Variants in ADAMTS12 observed in about 807,000 individuals in gnomAD.
ADAMTS12 encodes A disintegrin and metalloproteinase with thrombospondin motifs 12.
A neutral mutation model predicts 167.8 loss-of-function variants in ADAMTS12; 118 were observed. That is an observed-to-expected ratio of 0.70 (90% CI 0.61 to 0.82). The LOEUF (loss-of-function observed/expected upper bound fraction) is 0.82. Ranked by LOEUF, ADAMTS12 falls within the 40% of genes least tolerant of loss-of-function variation. The probability of loss-of-function intolerance (pLI) is 0.00; values close to 1 mark genes in which losing one functional copy is unlikely to be tolerated. For synonymous variants in ADAMTS12, 704 were observed against 716.9 expected (o/e 0.98, Z 0.29); for missense variants, 1,916 against 1,998.8 (o/e 0.96, Z 0.79).
chr5:33,748,662 C>T (rs922216771), intron 3 of ADAMTS12, among the ~76,000 whole-genome samples: 2 of 152,048 alleles, frequency 1.3e-5, no homozygotes, highest in African/African-American at 2.4e-5. Flanking sequence ...CCTCTTTGAA[C>T]GTTACAAAAG....
intron 2 of ADAMTS12, among the ~76,000 whole-genome samples, chr5:33,832,817 G>T (rs1052689967): frequency 6.6e-6 from 1 of 152,098 alleles, no homozygotes; most frequent in African/African-American, 2.4e-5. Context: ...CATTCCCTCG[G>T]ACTCTCACAT....
intron 2 of ADAMTS12, among the ~76,000 whole-genome samples, chr5:33,829,763 A>G (rs1368873960): frequency 6.6e-6 from 1 of 152,174 alleles, no homozygotes; most frequent in Admixed American, 6.5e-5. Flanking sequence ...CTGTGGTCGG[A>G]AAGTACAAAT....
At chr5:33,814,503 C>T (rs1190350793) in intron 2 of ADAMTS12, among the ~76,000 whole-genome samples, 1 of 152,156 alleles carries the variant, frequency 6.6e-6, no homozygotes, top group African/African-American at 2.4e-5. Flanking sequence ...CAGTTAGATA[C>T]ATGAGTTTGA....
Position 33,609,368 on chromosome 5 carries a change from C to CT in ADAMTS12, c.2527+4869dup, listed in dbSNP as rs66470839. 7.0e-3 allele frequency among the ~76,000 whole-genome samples: 987 copies of CT among 141,310 alleles called. 20 individuals are homozygous for CT. The highest frequency in any genetic ancestry group is 0.022 in the African/African-American group (833 of 38,598). The allele number at this position is 141,310 out of a possible 152,430, so 92.7% of individuals were successfully genotyped here. On this transcript the variant is annotated intron_variant, in intron 16 of 23. Coordinates refer to ENST00000504830, the MANE Select transcript of ADAMTS12 (RefSeq NM_030955.4). Reference sequence around the variant, plus strand: ...AAAATTCATTATATTAAAAATTTAACTTTTTTTTTTTTTTTTTTTGGAGAG... The same window carrying CT: ...AAAATTCATTATATTAAAAATTTAACTTTTTTTTTTTTTTTTTTTTGGAGAG...
chr5:33,669,063 A>G (rs1741578208), intron 5 of ADAMTS12, among the ~76,000 whole-genome samples: 1 of 152,190 alleles, frequency 6.6e-6, no homozygotes, highest in South Asian at 2.1e-4. Context: ...AAAAATAGGG[A>G]TTTGCATTCC....
chr5:33,759,036 A>G (rs1210782708), intron 2 of ADAMTS12, among the ~76,000 whole-genome samples: 1 of 152,214 alleles, frequency 6.6e-6, no homozygotes, highest in Non-Finnish European at 1.5e-5. Flanking sequence ...GAAAAATCTG[A>G]GCAGGGACAG....
At chr5:33,638,257 T>C (rs1024725663) in intron 11 of ADAMTS12, among the ~76,000 whole-genome samples, 3 of 152,214 alleles carry the variant, frequency 2.0e-5, no homozygotes, top group Non-Finnish European at 4.4e-5. Context: ...TCTCTACTTT[T>C]AAAATTGAAC....
At chr5:33,618,200 A>C (rs1309757941) in intron 14 of ADAMTS12, among the ~76,000 whole-genome samples, 1 of 152,242 alleles carries the variant, frequency 6.6e-6, no homozygotes, top group Non-Finnish European at 1.5e-5. Context: ...TGTATTTACT[A>C]TTCATTAAGC....
At chr5:33,850,874 C>T (rs1179444734) in intron 2 of ADAMTS12, among the ~76,000 whole-genome samples, 1 of 152,162 alleles carries the variant, frequency 6.6e-6, no homozygotes, top group East Asian at 1.9e-4. Flanking sequence ...GCACGTATCA[C>T]CCCATGAGGT....
intron 2 of ADAMTS12, among the ~76,000 whole-genome samples, chr5:33,770,857 C>T (rs1745713554): frequency 6.6e-6 from 1 of 151,836 alleles, no homozygotes. Context: ...TCCTCTTCCT[C>T]CTCCTCCTCC....
intron 1 of ADAMTS12, among the ~76,000 whole-genome samples, chr5:33,882,164 C>T (rs1024850838): frequency 3.3e-5 from 5 of 152,086 alleles, no homozygotes; most frequent in African/African-American, 7.2e-5. Context: ...GGTGCTTCAA[C>T]ACATCAAGAA....
intron 2 of ADAMTS12, among the ~76,000 whole-genome samples, chr5:33,772,202 G>A (rs1454203106): frequency 6.6e-6 from 1 of 151,862 alleles, no homozygotes; most frequent in Non-Finnish European, 1.5e-5. Flanking sequence ...TTTCATTCTA[G>A]ACTCTCAACA....
chr5:33,688,625 C>A (rs901718152), intron 3 of ADAMTS12, among the ~76,000 whole-genome samples: 5 of 152,294 alleles, frequency 3.3e-5, no homozygotes, highest in East Asian at 1.9e-4. Context: ...TTGACGAAGC[C>A]ACACAGAGAA....
At chr5:33,711,892 C>T (rs1051031931) in intron 3 of ADAMTS12, among the ~76,000 whole-genome samples, 1 of 152,252 alleles carries the variant, frequency 6.6e-6, no homozygotes. Flanking sequence ...TCTGCTCAGC[C>T]TCTTACACTT....
chr5:33,873,309 C>A (rs1750110185), intron 2 of ADAMTS12, among the ~76,000 whole-genome samples: 1 of 151,914 alleles, frequency 6.6e-6, no homozygotes, highest in South Asian at 2.1e-4. Flanking sequence ...AACTTAATAC[C>A]ATTTACATTA....
rs1018430941 is a variant in ADAMTS12 at position 33,632,081 on chromosome 5, C to T, written c.1889-1168G>A. 2.2e-5 allele frequency among the ~76,000 whole-genome samples: 3 copies of T among 137,286 alleles called. No homozygotes were observed. In the East Asian group the frequency reaches 6.4e-4, roughly 29 times the overall value. The allele number at this position is 137,286 out of a possible 152,430, so 90.1% of individuals were successfully genotyped here. A position where few individuals can be genotyped will look rare whatever the true frequency, so the allele number is the denominator to read the frequency against. On this transcript the variant is annotated intron_variant, in intron 12 of 23. Coordinates refer to ENST00000504830, the MANE Select transcript of ADAMTS12 (RefSeq NM_030955.4). ...AAGCTCCAAATGCTGAAATGCTGAACAAACTTGAGACTGAGGTCAAAAACA... is the reference window on the plus strand; with the variant it reads ...AAGCTCCAAATGCTGAAATGCTGAATAAACTTGAGACTGAGGTCAAAAACA...
At chr5:33,864,320 T>A (rs914523889) in intron 2 of ADAMTS12, among the ~76,000 whole-genome samples, 1 of 152,134 alleles carries the variant, frequency 6.6e-6, no homozygotes, top group Non-Finnish European at 1.5e-5. Context: ...ATGGCCATCA[T>A]TAAAAAGTCA....
intron 2 of ADAMTS12, among the ~76,000 whole-genome samples, chr5:33,853,841 C>G (rs1430766171): frequency 6.6e-6 from 1 of 152,164 alleles, no homozygotes; most frequent in African/African-American, 2.4e-5. Context: ...ATTCAGCTGA[C>G]CAGGGGAGGA....
intron 2 of ADAMTS12, among the ~76,000 whole-genome samples, chr5:33,864,032 T>C (rs1258457871): frequency 6.6e-6 from 1 of 152,176 alleles, no homozygotes; most frequent in Admixed American, 6.5e-5. Flanking sequence ...ACCACTCCCT[T>C]ACACCTTATA....
Sources: gnomAD v4.1 joint callset for allele counts (sites outside exome capture counted in the v4.1 genomes callset) on GRCh38, gnomAD v4.1.1 for gene constraint, MANE v1.5 for transcripts, NCBI Gene and HGNC (gene_info 2026-07-23, HGNC 2026-07-21) for gene names.